The following NCAM2 variants were observed in gnomAD, a reference collection of about 807,000 sequenced individuals.
NCAM2 encodes N-CAM-2.
A neutral mutation model predicts 98.1 loss-of-function variants in NCAM2; 30 were observed. That is an observed-to-expected ratio of 0.31 (90% CI 0.23 to 0.41). NCAM2 has a LOEUF of 0.41. Ranked by LOEUF, NCAM2 falls within the 10% of genes least tolerant of loss-of-function variation. The pLI is 1.00. For missense variants in NCAM2, 867 were observed against 1,005.8 expected (o/e 0.86, Z 1.87); for synonymous variants, 368 against 342.4 (o/e 1.07, Z -0.83).
At chr21:21,104,544 G>C (rs2066306914) in intron 1 of NCAM2, among the ~76,000 whole-genome samples, 2 of 151,648 alleles carry the variant, frequency 1.3e-5, no homozygotes, top group South Asian at 4.1e-4. Context: ...GTAAAGAAGA[G>C]AGAATGAGAC....
intron 1 of NCAM2, among the ~76,000 whole-genome samples, chr21:21,060,195 T>C (rs528196999): frequency 1.3e-4 from 20 of 152,146 alleles, no homozygotes; most frequent in African/African-American, 4.3e-4. Flanking sequence ...ATAATGCCAA[T>C]TGAAAAAGGT....
At chr21:21,398,875 TGAAAGCCAAAC>T in intron 9 of NCAM2, among the ~76,000 whole-genome samples, 1 of 152,162 alleles carries the variant, frequency 6.6e-6, no homozygotes, top group African/African-American at 2.4e-5. Flanking sequence ...GCTCATCACT[TGAAAGCCAAAC>T]ATGAGAGATG....
At chr21:21,284,450 A>G in intron 3 of NCAM2, 50 bp downstream of exon 3, 1 of 1,348,224 alleles carries the variant, frequency 7.4e-7, no homozygotes, top group Non-Finnish European at 1.0e-6. Flanking sequence ...AGTTGCTTAT[A>G]AATAACCGAA....
intron 1 of NCAM2, 85 bp downstream of exon 1, chr21:20,998,703 T>G (rs762894151): frequency 7.7e-7 from 1 of 1,301,186 alleles, no homozygotes; most frequent in Non-Finnish European, 1.1e-6. Flanking sequence ...GCAGGAAGAA[T>G]GAAATGAAAG....
intron 15 of NCAM2, among the ~76,000 whole-genome samples, chr21:21,494,408 C>A (rs1455425243): frequency 6.6e-6 from 1 of 151,338 alleles, no homozygotes; most frequent in African/African-American, 2.4e-5. Flanking sequence ...GGGGCTTAAA[C>A]AAAGAACTAA....
chr21:21,418,279 A>G (rs780387672), intron 10 of NCAM2, among the ~76,000 whole-genome samples, 194 bp from the exon 11 acceptor site: 1 of 152,026 alleles, frequency 6.6e-6, no homozygotes, highest in Admixed American at 6.6e-5. Context: ...TGTGGATATT[A>G]CGGGCTCATG....
intron 1 of NCAM2, among the ~76,000 whole-genome samples, chr21:21,201,133 C>G (rs1318599571): frequency 2.0e-5 from 3 of 152,080 alleles, no homozygotes; most frequent in Non-Finnish European, 4.4e-5. Flanking sequence ...CAAAGTGAAA[C>G]AACTTTCCCA....
intron 15 of NCAM2, among the ~76,000 whole-genome samples, chr21:21,501,394 C>T (rs1987621612): frequency 6.6e-6 from 1 of 151,838 alleles, no homozygotes; most frequent in Non-Finnish European, 1.5e-5. Context: ...AATATCATAT[C>T]CATTAGCTCC....
chr21:21,137,313 A>C (rs1047784043), intron 1 of NCAM2, among the ~76,000 whole-genome samples: 9 of 152,244 alleles, frequency 5.9e-5, no homozygotes, highest in Admixed American at 3.3e-4. Context: ...ATTATTTACA[A>C]ATTAGAACTT....
At chr21:21,474,433 A>G (rs546895245) in intron 14 of NCAM2, among the ~76,000 whole-genome samples, 6 of 152,130 alleles carry the variant, frequency 3.9e-5, no homozygotes, top group South Asian at 4.1e-4. Context: ...TAAATGTCTA[A>G]TTTCCAAAAA....
chr21:21,139,005 G>C (rs1482839665), intron 1 of NCAM2, among the ~76,000 whole-genome samples: 1 of 152,178 alleles, frequency 6.6e-6, no homozygotes, highest in Non-Finnish European at 1.5e-5. Flanking sequence ...GCCACATCTG[G>C]ATTCCCTGAA....
chr21:21,063,700 A>G (rs914573072), intron 1 of NCAM2, among the ~76,000 whole-genome samples: 5 of 152,190 alleles, frequency 3.3e-5, no homozygotes, highest in African/African-American at 4.8e-5. Context: ...AAAATCATTC[A>G]ATAACTTGAA....
intron 1 of NCAM2, among the ~76,000 whole-genome samples, chr21:21,038,090 A>G (rs1011877455): frequency 4.6e-5 from 7 of 151,234 alleles, no homozygotes; most frequent in African/African-American, 1.7e-4. Flanking sequence ...CCCATGGTTT[A>G]CCTTGAGTTG....
rs1449441968 is a variant in NCAM2 at position 21,348,198 on chromosome 21, A to G, written c.1044+9664A>G. On this transcript the variant is annotated intron_variant, in intron 8 of 17. Transcript: ENST00000400546. ...ATCCTTGTTTTTAGATGACATGGTCATATATTTGGAAAAACCTAGAGACTT... is the reference window on the plus strand; with the variant it reads ...ATCCTTGTTTTTAGATGACATGGTCGTATATTTGGAAAAACCTAGAGACTT... 2.0e-5 allele frequency among the ~76,000 whole-genome samples: 3 copies of G among 152,142 alleles called. No individual in the cohort carries two copies. In the East Asian group the frequency reaches 5.8e-4, roughly 29 times the overall value.
chr21:21,534,357 A>G (rs780653848), intron 16 of NCAM2, among the ~76,000 whole-genome samples, 180 bp from the exon 17 acceptor site: 22 of 151,980 alleles, frequency 1.4e-4, no homozygotes, highest in Non-Finnish European at 3.1e-4. Flanking sequence ...TTTTTTTCTG[A>G]GTGATAATAT....
At position 21,408,050 on chromosome 21, in the gene NCAM2, GATAA is replaced by G. The variant is rs1475520982; in HGVS notation, c.1196-2219_1196-2216del. On this transcript the variant is annotated intron_variant, in intron 9 of 17. Coordinates refer to ENST00000400546, the MANE Select transcript of NCAM2 (RefSeq NM_004540.5). ...TTAAAAAACACTGTGTAAGCCATTA[GATAA>G]ATAATTGTGACTGAGATACATTCTG... is the stretch of plus-strand genomic sequence containing the variant. Among the ~76,000 whole-genome samples, 10 of 152,294 alleles carry G rather than the reference GATAA, an allele frequency of 6.6e-5. No individual in the cohort carries two copies. The East Asian group carries it at 1.9e-3, about 29-fold the overall frequency.
rs574615789 is a variant in NCAM2, at chr21:21,221,042, A to G, written c.56-59536A>G. On this transcript the variant is annotated intron_variant, in intron 1 of 17. Transcript: ENST00000400546. ...TTTCAGTAATTCTTACAATATTGCA[A>G]ACTTTCTCACTAATGTATCTGTTAC... Among the ~76,000 whole-genome samples the G allele has an allele frequency of 5.3e-5, 8 of 152,220 alleles. No individual in the cohort carries two copies. The South Asian group carries it at 6.2e-4, about 12-fold the overall frequency.
intron 1 of NCAM2, among the ~76,000 whole-genome samples, chr21:21,003,524 G>T (rs565435797): frequency 6.6e-6 from 1 of 152,264 alleles, no homozygotes; most frequent in Non-Finnish European, 1.5e-5. Flanking sequence ...AGTTGACCTT[G>T]ATGCTCGGCC....
In NCAM2 at chr21:21,155,029, T is replaced by C. The variant is rs143053651; in HGVS notation, c.56-125549T>C. ...TCCAAAAAGTGGCAACAGTTTCATA[T>C]TGAGAGGAAAAAACAGGGGTAAATG... is the stretch of plus-strand genomic sequence containing the variant. On this transcript the variant is annotated intron_variant, in intron 1 of 17. Coordinates refer to ENST00000400546, the MANE Select transcript of NCAM2 (RefSeq NM_004540.5). Among the ~76,000 whole-genome samples, 606 of 151,676 alleles carry C rather than the reference T, an allele frequency of 4.0e-3. 8 individuals carry two copies. The highest frequency in any genetic ancestry group is 0.014 in the African/African-American group (580 of 41,442).
Sources: gnomAD v4.1 joint callset for allele counts (sites outside exome capture counted in the v4.1 genomes callset) on GRCh38, gnomAD v4.1.1 for gene constraint, MANE v1.5 for transcripts, NCBI Gene and HGNC (gene_info 2026-07-23, HGNC 2026-07-21) for gene names.